The following NAALADL2 variants were observed in gnomAD, a reference collection of about 807,000 sequenced individuals.
NAALADL2 encodes the protein N-acetylated alpha-linked acidic dipeptidase like 2.
Under a neutral mutation model 87.2 loss-of-function variants are expected in NAALADL2, and 76 were observed. The ratio of observed to expected loss-of-function variants is 0.87; its 90% CI spans 0.72 to 1.05. NAALADL2 has a LOEUF of 1.05. Among genes scored for constraint, NAALADL2 ranks in the 50% least tolerant of loss-of-function variants. The pLI is 0.00. For synonymous variants in NAALADL2, 354 were observed against 331.0 expected (o/e 1.07, Z -0.75); for missense variants, 1,089 against 945.8 (o/e 1.15, Z -1.99).
intron 11 of NAALADL2, among the ~76,000 whole-genome samples, chr3:175,649,943 A>G (rs1730525866): frequency 6.6e-6 from 1 of 151,580 alleles, no homozygotes; most frequent in Non-Finnish European, 1.5e-5. Context: ...ATGGTACAAT[A>G]TGGCAGTTTT....
At chr3:175,052,038 G>C (rs1755464281) in intron 1 of NAALADL2, among the ~76,000 whole-genome samples, 1 of 152,184 alleles carries the variant, frequency 6.6e-6, no homozygotes, top group Non-Finnish European at 1.5e-5. Flanking sequence ...GCTTCCAACA[G>C]AGATTTACCT....
intron 1 of NAALADL2, among the ~76,000 whole-genome samples, chr3:174,883,164 G>C (rs1184422757): frequency 6.6e-6 from 1 of 151,858 alleles, no homozygotes; most frequent in Non-Finnish European, 1.5e-5. Flanking sequence ...GCTAGCCACT[G>C]ATTAGATTGT....
chr3:174,834,791 A>G (rs920405882), intron 3 of NAALADL2, among the ~76,000 whole-genome samples: 2 of 151,828 alleles, frequency 1.3e-5, no homozygotes, highest in Non-Finnish European at 2.9e-5. Context: ...AATTGAGTAT[A>G]TAAATAAATG....
chr3:175,645,383 C>G (rs778661512), intron 11 of NAALADL2, among the ~76,000 whole-genome samples: 3 of 152,040 alleles, frequency 2.0e-5, no homozygotes, highest in Non-Finnish European at 2.9e-5. Flanking sequence ...TGACACTCCA[C>G]AGGAAGTAGA....
chr3:175,618,943 G>A (rs144903508), intron 10 of NAALADL2, among the ~76,000 whole-genome samples: 144 of 152,296 alleles, frequency 9.5e-4, no homozygotes, highest in African/African-American at 3.5e-3. Flanking sequence ...GGATAGTCAT[G>A]CTCACCTGGG....
At chr3:175,373,425 C>T (rs1766740532) in intron 5 of NAALADL2, among the ~76,000 whole-genome samples, 1 of 151,628 alleles carries the variant, frequency 6.6e-6, no homozygotes, top group African/African-American at 2.4e-5. Context: ...AGTAATATGT[C>T]CTGTAGTAAT....
At chr3:174,857,515 G>T (rs145729243), upstream of NAALADL2, among the ~76,000 whole-genome samples, 893 of 152,150 alleles carry the variant, frequency 5.9e-3, 9 homozygotes, top group African/African-American at 0.02. Context: ...TCAGTGCCTG[G>T]GGCAGGTCTG....
chr3:174,486,590 T>C (rs1717874907), intron 1 of NAALADL2, among the ~76,000 whole-genome samples: 1 of 152,028 alleles, frequency 6.6e-6, no homozygotes, highest in Non-Finnish European at 1.5e-5. Flanking sequence ...GGGGGCAGAA[T>C]TTTGCCATGC....
At chr3:174,632,929 G>C (rs1250187129) in intron 2 of NAALADL2, among the ~76,000 whole-genome samples, 1 of 77,782 alleles carries the variant, frequency 1.3e-5, no homozygotes, top group Non-Finnish European at 2.1e-5. Flanking sequence ...GCAAGACTCT[G>C]TCTCAAAAAA....
chr3:175,668,128 G>A (rs781552371), intron 11 of NAALADL2, among the ~76,000 whole-genome samples: 10 of 152,100 alleles, frequency 6.6e-5, no homozygotes, highest in Non-Finnish European at 1.0e-4. Flanking sequence ...GTGACCTCTC[G>A]TTGGAGTTTA....
intron 1 of NAALADL2, among the ~76,000 whole-genome samples, chr3:174,461,760 T>C (rs558940896): frequency 6.6e-6 from 1 of 152,222 alleles, no homozygotes; most frequent in African/African-American, 2.4e-5. Context: ...ATTTCTATAC[T>C]ATAGTGCCCT....
chr3:174,649,318 G>A (rs1282173437), intron 2 of NAALADL2, among the ~76,000 whole-genome samples: 1 of 152,112 alleles, frequency 6.6e-6, no homozygotes, highest in Non-Finnish European at 1.5e-5. Context: ...AGAGTTCACA[G>A]ATGAATTCCA....
At chr3:175,008,376 G>A (rs1401801021) in intron 1 of NAALADL2, among the ~76,000 whole-genome samples, 2 of 152,002 alleles carry the variant, frequency 1.3e-5, no homozygotes, top group African/African-American at 2.4e-5. Flanking sequence ...GTGAGACCTC[G>A]TTTCTAAAAA....
At chr3:175,660,049 G>A (rs985719416) in intron 11 of NAALADL2, among the ~76,000 whole-genome samples, 7 of 152,070 alleles carry the variant, frequency 4.6e-5, no homozygotes, top group African/African-American at 7.2e-5. Flanking sequence ...TTTGATCACC[G>A]TGGGCTTCAA....
intron 1 of NAALADL2, among the ~76,000 whole-genome samples, chr3:174,926,565 A>T (rs538322123): frequency 4.8e-4 from 73 of 152,294 alleles, no homozygotes; most frequent in African/African-American, 1.6e-3. Context: ...ATTCTTAAAG[A>T]AAAGAATTTT....
Position 175,205,285 on chromosome 3 carries a change from C to T in NAALADL2, c.546-28646C>T, listed in dbSNP as rs1740648638. ...TAAACCAATGGAACAGAATAGGAAA[C>T]TCAAACTCAAATACTTACAGCCAGC... On this transcript the variant is annotated intron_variant, in intron 2 of 13. Transcript: ENST00000454872. Among the ~76,000 whole-genome samples, 5 of 151,886 alleles carry T rather than the reference C, an allele frequency of 3.3e-5. No individual in the cohort carries two copies. In the South Asian group the frequency reaches 1.0e-3, roughly 31 times the overall value.
chr3:174,981,684 A>C (rs900017837), intron 1 of NAALADL2, among the ~76,000 whole-genome samples: 4 of 152,328 alleles, frequency 2.6e-5, no homozygotes, highest in Admixed American at 6.5e-5. Context: ...AAAAAACCCC[A>C]AAATGACCAT....
At chr3:175,150,748 G>A (rs1426514331) in intron 2 of NAALADL2, among the ~76,000 whole-genome samples, 1 of 152,064 alleles carries the variant, frequency 6.6e-6, no homozygotes, top group Non-Finnish European at 1.5e-5. Flanking sequence ...TGAATACAAA[G>A]CTACCATTCA....
At chr3:175,692,178 T>C (rs1737136332) in intron 11 of NAALADL2, among the ~76,000 whole-genome samples, 1 of 152,182 alleles carries the variant, frequency 6.6e-6, no homozygotes, top group South Asian at 2.1e-4. Context: ...GACTTACCTA[T>C]GTTCATAGGG....
Sources: gnomAD v4.1 joint callset for allele counts (sites outside exome capture counted in the v4.1 genomes callset) on GRCh38, gnomAD v4.1.1 for gene constraint, MANE v1.5 for transcripts, NCBI Gene and HGNC (gene_info 2026-07-23, HGNC 2026-07-21) for gene names.